YIF1B: variants seen among roughly 807,000 people sequenced by gnomAD.
YIF1B encodes the protein protein YIF1B.
In YIF1B, 24 loss-of-function variants were observed where a neutral mutation model predicts 34.6. The ratio of observed to expected loss-of-function variants is 0.69; its 90% confidence interval spans 0.50 to 0.98. The LOEUF (loss-of-function observed/expected upper bound fraction) is 0.98. Among genes scored for constraint, YIF1B ranks in the 50% least tolerant of loss-of-function variants. YIF1B has a pLI of 0.00. For missense variants in YIF1B, 368 were observed against 429.4 expected, an observed-to-expected ratio of 0.86 and a Z score of 1.26; for synonymous variants, 186 against 184.8, an observed-to-expected ratio of 1.01 and a Z score of -0.05.
Position 38,304,363 on chromosome 19 carries a change from T to C in YIF1B, c.*989A>G. On this transcript the variant is annotated 3_prime_UTR_variant, in exon 8 of 8. Coordinates refer to ENST00000339413, the MANE Select transcript of YIF1B (RefSeq NM_001039672.3). ...AAGCTGCCTGCACCAACCACCCAAC[T>C]TCTCTCCACAGCCCTGGAGCCCACC... 2 of 1,600,876 alleles carry C rather than the reference T, an allele frequency of 1.2e-6. No individual in the cohort carries two copies. The highest frequency in any genetic ancestry group is 1.7e-6 in the Non-Finnish European group (2 of 1,174,914).
upstream of YIF1B, among the ~76,000 whole-genome samples, chr19:38,316,352 A>G (rs1189352316): frequency 7.6e-6 from 1 of 132,316 alleles, no homozygotes; most frequent in African/African-American, 2.7e-5. Flanking sequence ...CCATCCCTAC[A>G]ATTTTTTTTT....
In YIF1B at chr19:38,305,023, G is replaced by A; in HGVS notation, c.*329C>T. ...TCTGCCTTCTGCGACTGGTCAGCGT[G>A]GTGCCTACTCTGGCCCGTCCCCAGC... On this transcript the variant is annotated 3_prime_UTR_variant, in exon 8 of 8. Transcript: ENST00000339413. 5.2e-6 allele frequency: 8 copies of A among 1,552,810 alleles called. No individual in the cohort carries two copies. The highest frequency in any genetic ancestry group is 7.0e-6 in the Non-Finnish European group (8 of 1,148,100).
At position 38,308,792 on chromosome 19, in the gene YIF1B, C is replaced by T; in HGVS notation, c.539G>A (p.Arg180Lys). 2 of 1,613,926 alleles carry T rather than the reference C, an allele frequency of 1.2e-6. No homozygotes were observed. Among genetic ancestry groups the T allele is most frequent in the Non-Finnish European group, 1.7e-6 (2 of 1,179,886 alleles). The change falls in exon 5 of 8, where the codon AGG becomes AAG. Residue 180 changes from arginine (R) to lysine (K), a missense_variant and splice_region_variant. Around this residue, in one of 3 missense-constraint regions of YIF1B, gnomAD observed 208 missense variants for 247.8 expected, o/e 0.84. Coordinates refer to ENST00000339413, the MANE Select transcript of YIF1B (RefSeq NM_001039672.3). Reference sequence around the variant, plus strand: ...TCGGCCTGCCCCAGGCCTCCCTTACCTATCCTGGGTCCCCAGCGCAAGACC... The same window carrying T: ...TCGGCCTGCCCCAGGCCTCCCTTACTTATCCTGGGTCCCCAGCGCAAGACC... The part of the protein sequence containing the change: ...VAGLALGTQD[R>K]FSPDLLGLQA...
upstream of YIF1B, among the ~76,000 whole-genome samples, chr19:38,320,699 C>T (rs1568364414): frequency 6.6e-6 from 1 of 152,128 alleles, no homozygotes; most frequent in Non-Finnish European, 1.5e-5. Flanking sequence ...GCTGGGATTA[C>T]AGGCACATAC....
At chr19:38,320,005 G>T, upstream of YIF1B, 3 of 1,490,750 alleles carry the variant, frequency 2.0e-6, no homozygotes, top group Non-Finnish European at 2.7e-6. Flanking sequence ...CGCGTACCTG[G>T]TGCTGGGCGC....
intron 1 of YIF1B, among the ~76,000 whole-genome samples, chr19:38,314,883 G>C (rs976539437): frequency 2.6e-5 from 4 of 152,050 alleles, no homozygotes; most frequent in Non-Finnish European, 4.4e-5. Flanking sequence ...AAAGTGCTGA[G>C]ATTATAGGTG....
Position 38,305,312 on chromosome 19 carries a change from C to CCAG in YIF1B, c.*37_*39dup, listed in dbSNP as rs759589096. On this transcript the variant is annotated 3_prime_UTR_variant, in exon 8 of 8. Transcript: ENST00000339413. ...ATGAGTTCGGCGGCCACAGTGGCCC[C>CCAG]CAGCAGCAGCAGCAGCAGCGGGAGG... 395 of 1,581,358 alleles carry CCAG rather than the reference C, an allele frequency of 2.5e-4. No individual in the cohort carries two copies. Among genetic ancestry groups the CCAG allele is most frequent in the East Asian group, 9.3e-4 (41 of 44,204 alleles).
At chr19:38,312,841 C>G (rs371388965) in intron 1 of YIF1B, among the ~76,000 whole-genome samples, 47 of 152,340 alleles carry the variant, frequency 3.1e-4, no homozygotes, top group African/African-American at 1.1e-3. Flanking sequence ...TCGAACCCTT[C>G]CTCTCAATTA....
upstream of YIF1B, among the ~76,000 whole-genome samples, chr19:38,316,207 G>A (rs1366541277): frequency 3.3e-5 from 5 of 152,208 alleles, no homozygotes; most frequent in African/African-American, 7.2e-5. Flanking sequence ...TGTCTGCCAC[G>A]ACAGAAAATG....
chr19:38,312,184 G>A (rs1416575352), intron 1 of YIF1B, among the ~76,000 whole-genome samples: 1 of 150,910 alleles, frequency 6.6e-6, no homozygotes, highest in Non-Finnish European at 1.5e-5. Context: ...AGCACTTTGC[G>A]AGGCTGAGAC....
intron 1 of YIF1B, among the ~76,000 whole-genome samples, chr19:38,313,146 T>G (rs1461055882): frequency 6.6e-6 from 1 of 152,150 alleles, no homozygotes; most frequent in Non-Finnish European, 1.5e-5. Context: ...GAGATGGGGT[T>G]TCACCATTTT....
chr19:38,316,069 G>A, upstream of YIF1B: 1 of 1,184,472 alleles, frequency 8.4e-7, no homozygotes. Context: ...CCCCTTCACG[G>A]AGGCCTGGAC....
chr19:38,304,419 G>C lies in YIF1B; in HGVS notation c.*933C>G. On this transcript the variant is annotated 3_prime_UTR_variant, in exon 8 of 8. Transcript: ENST00000339413. ...GAAGCCCGGTGTGGGGGCGGGCCACGGGGGAGATCCCAAGCTCAGTCCCCA... is the reference window on the plus strand; with the variant it reads ...GAAGCCCGGTGTGGGGGCGGGCCACCGGGGAGATCCCAAGCTCAGTCCCCA... 6.4e-7 allele frequency: 1 copy of C among 1,562,676 alleles called. No individual in the cohort carries two copies. Among genetic ancestry groups the C allele is most frequent in the Non-Finnish European group, 8.7e-7 (1 of 1,154,136 alleles).
upstream of YIF1B, chr19:38,319,806 C>G (rs1861801091): frequency 4.7e-6 from 4 of 842,274 alleles, no homozygotes; most frequent in Non-Finnish European, 6.6e-6. Flanking sequence ...TCGCCGCCCC[C>G]CACCTCCCCT....
chr19:38,305,977 G>A (rs1167181985), intron 7 of YIF1B, among the ~76,000 whole-genome samples: 2 of 152,096 alleles, frequency 1.3e-5, no homozygotes, highest in African/African-American at 4.8e-5. Flanking sequence ...GCCAAGGCGG[G>A]CGGATCACGA....
intron 1 of YIF1B, chr19:38,315,484 A>T: frequency 1.4e-6 from 2 of 1,395,024 alleles, no homozygotes; most frequent in Non-Finnish European, 1.9e-6. Flanking sequence ...TTCTTAAATG[A>T]GCGGTAGGCA....
In YIF1B at chr19:38,305,414, T is replaced by C. The variant is rs762982972; in HGVS notation, c.883A>G (p.Met295Val). 1.1e-5 allele frequency: 18 copies of C among 1,610,576 alleles called. No homozygotes were observed. The highest frequency in any genetic ancestry group is 1.4e-5 in the Non-Finnish European group (16 of 1,178,374). The change falls in exon 8 of 8, where the codon ATG becomes GTG. Residue 295 changes from methionine to valine, a missense_variant. This residue lies in a region of YIF1B where 208 missense variants were observed against 247.8 expected (regional missense o/e 0.84). Transcript: ENST00000339413. Reference sequence around the variant, plus strand: ...ATAGGCTGCGCCGCCGCCACCGCCATGGTCAGGTACATGCGCAGCTGGTTC... The same window carrying C: ...ATAGGCTGCGCCGCCGCCACCGCCACGGTCAGGTACATGCGCAGCTGGTTC... ...ARNQLRMYLT[M>V]AVAAAQPMLM...
upstream of YIF1B, among the ~76,000 whole-genome samples, chr19:38,321,885 C>T (rs932130979): frequency 2.6e-5 from 4 of 152,224 alleles, no homozygotes; most frequent in South Asian, 8.3e-4. Context: ...TGAGGGAAGC[C>T]AGACACACGT....
upstream of YIF1B, chr19:38,320,211 G>A (rs1969634020): frequency 1.2e-6 from 2 of 1,603,240 alleles, no homozygotes; most frequent in African/African-American, 1.3e-5. Flanking sequence ...CCAACGCCTC[G>A]GACCCCGCCT....
Sources: gnomAD v4.1 joint callset for allele counts (sites outside exome capture counted in the v4.1 genomes callset) on GRCh38, gnomAD v4.1.1 for gene constraint, gnomAD v4.1.1 regional missense constraint, MANE v1.5 for transcripts, NCBI Gene and HGNC (gene_info 2026-07-23, HGNC 2026-07-21) for gene names.